The following COL3A1 variants were observed in gnomAD, a reference collection of about 807,000 sequenced individuals.
COL3A1 encodes the protein collagen alpha-1(III) chain.
A neutral mutation model predicts 200.9 loss-of-function variants in COL3A1; 46 were observed. The ratio of observed to expected loss-of-function variants is 0.23; its 90% CI spans 0.18 to 0.29. COL3A1 has a LOEUF of 0.29. Among genes scored for constraint, COL3A1 ranks in the 10% least tolerant of loss-of-function variants. COL3A1 has a pLI of 1.00. For synonymous variants in COL3A1, 650 were observed against 628.0 expected, an observed-to-expected ratio of 1.03 and a Z score of -0.52; for missense variants, 1,367 against 1,917.6, an observed-to-expected ratio of 0.71 and a Z score of 5.36.
chr2:188,977,744 G>A (rs1313855577), intron 1 of COL3A1, among the ~76,000 whole-genome samples: 1 of 151,932 alleles, frequency 6.6e-6, no homozygotes, highest in African/African-American at 2.4e-5. Flanking sequence ...TCTTAATTTT[G>A]TAACTATTTG....
chr2:188,986,364 A>G (rs767030014), intron 4 of COL3A1, among the ~76,000 whole-genome samples: 10 of 152,098 alleles, frequency 6.6e-5, no homozygotes, highest in Non-Finnish European at 1.3e-4. Context: ...ACGAGAAAAT[A>G]TATTACACAA....
chr2:189,001,601 A>G lies in COL3A1; in HGVS notation c.2391+12A>G. The G allele has an allele frequency of 6.2e-7, 1 of 1,610,768 alleles. No individual in the cohort carries two copies. ...CTCGTGGTAGCCCTGTAAGTGTTAA[A>G]GACATTCTCAACATACTTTTTAACC... On this transcript the variant is annotated intron_variant, in intron 34 of 50. Coordinates refer to ENST00000304636, the MANE Select transcript of COL3A1 (RefSeq NM_000090.4).
chr2:188,991,395 T>C (rs1053922653), intron 11 of COL3A1, 92 bp from the exon 12 acceptor site: 6 of 790,916 alleles, frequency 7.6e-6, no homozygotes, highest in Non-Finnish European at 9.9e-6. Context: ...TTTTCTAGGC[T>C]CTATAAACTT....
chr2:188,998,606 C>A, intron 28 of COL3A1, 68 bp from the exon 29 acceptor site: 2 of 1,448,344 alleles, frequency 1.4e-6, no homozygotes, highest in South Asian at 1.2e-5. Flanking sequence ...CTTATATTTA[C>A]ATATTTGCTT....
intron 50 of COL3A1, 88 bp downstream of exon 50, chr2:189,010,978 T>C (rs1280981098): frequency 2.7e-6 from 4 of 1,503,316 alleles, no homozygotes; most frequent in Non-Finnish European, 3.7e-6. Flanking sequence ...ATAAATAAAA[T>C]TAATAGGATG....
chr2:189,010,454 G>A (rs1013947042), intron 49 of COL3A1, 89 bp downstream of exon 49: 7 of 1,543,094 alleles, frequency 4.5e-6, no homozygotes, highest in Middle Eastern at 1.7e-4. Context: ...AAGTTACTAG[G>A]TTGGTACAAA....
At chr2:188,997,258 G>C in intron 25 of COL3A1, 40 bp downstream of exon 25, 1 of 1,613,312 alleles carries the variant, frequency 6.2e-7, no homozygotes, top group Non-Finnish European at 8.5e-7. Flanking sequence ...CCTTCTAATA[G>C]ATGCGTTCAT....
chr2:188,993,515 C>T (rs1688232818), intron 16 of COL3A1, 56 bp downstream of exon 16: 4 of 1,349,342 alleles, frequency 3.0e-6, no homozygotes, highest in Non-Finnish European at 4.1e-6. Flanking sequence ...TCCATGAAAG[C>T]ATAGTTTCAT....
Position 189,011,901 on chromosome 2 carries a change from ACAG to A in COL3A1, c.*128_*130del. ...TTATTTATTTCCAAAATGTTTGGAAACAGTATAATTTGACAAAGAAAAATGATA... is the reference window on the plus strand; with the variant it reads ...TTATTTATTTCCAAAATGTTTGGAAATATAATTTGACAAAGAAAAATGATA... On this transcript the variant is annotated 3_prime_UTR_variant, in exon 51 of 51. Transcript: ENST00000304636. 1 of 1,058,900 alleles carries A rather than the reference ACAG, an allele frequency of 9.4e-7. No individual in the cohort carries two copies. Among genetic ancestry groups the A allele is most frequent in the Non-Finnish European group, 1.4e-6 (1 of 708,602 alleles). The allele number at this position is 1,058,900 out of a possible 1,614,324, so 65.6% of individuals were successfully genotyped here.
At position 188,991,507 on chromosome 2, in the gene COL3A1, C is replaced by A. The variant is rs138569287; in HGVS notation, c.873C>A (p.Gly291=). The A allele has an allele frequency of 4.3e-6, 7 of 1,610,414 alleles. No homozygotes were observed. Among genetic ancestry groups the A allele is most frequent in the East Asian group, 2.2e-5 (1 of 44,808 alleles). The change falls in exon 12 of 51, where the codon GGC becomes GGA. Residue 291 remains glycine, a synonymous_variant. Transcript: ENST00000304636. ...TCTAGGGTGAAAATGGTCTTCCAGG[C>A]GAAAATGGAGCTCCTGGACCCATGG... ...PGLKGENGLP[G]ENGAPGPMGP... is the part of the protein sequence containing the mutation.
intron 32 of COL3A1, among the ~76,000 whole-genome samples, chr2:189,000,853 C>A (rs1284339359): frequency 6.6e-6 from 1 of 152,088 alleles, no homozygotes; most frequent in Non-Finnish European, 1.5e-5. Flanking sequence ...ATAATTAAGT[C>A]TTTTAATAAA....
intron 35 of COL3A1, 26 bp downstream of exon 35, chr2:189,002,377 T>C: frequency 1.9e-6 from 3 of 1,600,662 alleles, no homozygotes; most frequent in South Asian, 1.1e-5. Flanking sequence ...TATACATACA[T>C]GTCCCATAGC....
At chr2:188,999,647 T>C in intron 31 of COL3A1, 70 bp downstream of exon 31, 2 of 1,505,824 alleles carry the variant, frequency 1.3e-6, no homozygotes, top group Non-Finnish European at 1.8e-6. Context: ...GCAACACTCC[T>C]GGAAAGTAAT....
At chr2:188,990,045 A>G (rs767386725) in intron 8 of COL3A1, 51 bp from the exon 9 acceptor site, 10 of 1,536,214 alleles carry the variant, frequency 6.5e-6, no homozygotes, top group African/African-American at 5.4e-5. Flanking sequence ...ATTGGCTACA[A>G]TGTATTTTCT....
intron 1 of COL3A1, among the ~76,000 whole-genome samples, chr2:188,975,883 A>C (rs1576456281): frequency 2.7e-5 from 4 of 146,206 alleles, no homozygotes; most frequent in African/African-American, 7.6e-5. Flanking sequence ...TCATCACCCC[A>C]CCCCTTCCTA....
intron 38 of COL3A1, 33 bp from the exon 39 acceptor site, chr2:189,003,949 A>G: frequency 6.3e-7 from 1 of 1,575,310 alleles, no homozygotes; most frequent in Non-Finnish European, 8.6e-7. Context: ...ACTTTTTATT[A>G]TAAATATTCA....
chr2:188,996,172 G>A lies in COL3A1; in HGVS notation c.1656G>A (p.Gly552=), dbSNP rs1688305452. The change falls in exon 23 of 51, where the codon GGG becomes GGA. Residue 552 remains glycine (G), a synonymous_variant. Transcript: ENST00000304636. ...GACCAGGAAGTGATGGGAAACCAGG[G>A]CCTCCCGTATGTACATTTTTAAAAT... is the stretch of plus-strand genomic sequence containing the variant. ...PGGPGSDGKP[G]PPGSQGESGR... is the part of the protein sequence containing the mutation. 1.2e-6 allele frequency: 2 copies of A among 1,613,202 alleles called. No homozygotes were observed. The highest frequency in any genetic ancestry group is 2.2e-5 in the East Asian group (1 of 44,796).
At chr2:188,975,751 AAAAG>A (rs1381206369) in intron 1 of COL3A1, among the ~76,000 whole-genome samples, 1 of 152,126 alleles carries the variant, frequency 6.6e-6, no homozygotes, top group Non-Finnish European at 1.5e-5. Context: ...GACACAAAAG[AAAAG>A]AAACACCCAT....
intron 4 of COL3A1, among the ~76,000 whole-genome samples, chr2:188,986,207 A>G (rs1688061171): frequency 6.6e-6 from 1 of 152,052 alleles, no homozygotes; most frequent in Non-Finnish European, 1.5e-5. Context: ...CCTATTGAAC[A>G]GGATTATTTC....
Sources: gnomAD v4.1 joint callset for allele counts (sites outside exome capture counted in the v4.1 genomes callset) on GRCh38, gnomAD v4.1.1 for gene constraint, MANE v1.5 for transcripts, NCBI Gene and HGNC (gene_info 2026-07-23, HGNC 2026-07-21) for gene names.